The following ARHGAP24 variants were observed in gnomAD, a reference collection of about 807,000 sequenced individuals.
ARHGAP24 encodes the protein Rho GTPase activating protein 24.
Under a neutral mutation model 76.4 loss-of-function variants are expected in ARHGAP24, and 50 were observed. The ratio of observed to expected loss-of-function variants is 0.65; its 90% CI spans 0.52 to 0.83. The LOEUF is 0.83. ARHGAP24 is among the 40% of genes least tolerant of loss of function. The pLI is 0.00. For synonymous variants in ARHGAP24, 345 were observed against 323.3 expected (o/e 1.07, Z -0.72); for missense variants, 930 against 914.2 (o/e 1.02, Z -0.22).
chr4:85,528,565 A>G (rs1474401245), intron 1 of ARHGAP24, among the ~76,000 whole-genome samples: 1 of 152,018 alleles, frequency 6.6e-6, no homozygotes, highest in African/African-American at 2.4e-5. Flanking sequence ...ACCTTTCTGT[A>G]TCTCAGTTTC....
intron 2 of ARHGAP24, among the ~76,000 whole-genome samples, chr4:85,698,419 G>A (rs994874659): frequency 6.6e-6 from 1 of 152,152 alleles, no homozygotes; most frequent in Non-Finnish European, 1.5e-5. Context: ...ACATGATTTT[G>A]TGGGATTCTT....
At chr4:85,727,669 A>G (rs972577111) in intron 3 of ARHGAP24, among the ~76,000 whole-genome samples, 23 of 152,242 alleles carry the variant, frequency 1.5e-4, no homozygotes, top group African/African-American at 5.1e-4. Context: ...AACTCCCTTC[A>G]CATACTGGCC....
In ARHGAP24 at chr4:85,598,749, T is replaced by TTG. The variant is rs200311649; in HGVS notation, c.180+28029_180+28030insGT. ...TTTGAAATCACTGTTTTGTTTTGTT[T>TTG]TTTTTTTTTTACAATATTCCTCAAG... is the stretch of plus-strand genomic sequence containing the variant. On this transcript the variant is annotated intron_variant, in intron 2 of 9. Transcript: ENST00000395184. Among the ~76,000 whole-genome samples the TTG allele has an allele frequency of 6.0e-3, 908 of 150,372 alleles. 12 individuals carry two copies. Among genetic ancestry groups the TTG allele is most frequent in the African/African-American group, 0.021 (864 of 41,116 alleles).
chr4:85,612,537 ATAATC>A (rs1336297128), intron 2 of ARHGAP24, among the ~76,000 whole-genome samples: 1 of 152,124 alleles, frequency 6.6e-6, no homozygotes, highest in Non-Finnish European at 1.5e-5. Context: ...CCATGAATAA[ATAATC>A]TAAAGCTGTA....
chr4:85,634,100 G>T (rs1424104272), intron 2 of ARHGAP24, among the ~76,000 whole-genome samples: 1 of 151,852 alleles, frequency 6.6e-6, no homozygotes, highest in East Asian at 1.9e-4. Context: ...TCAACTGAAG[G>T]ATAAAAAATC....
At chr4:85,901,395 A>C (rs531716569) in intron 3 of ARHGAP24, among the ~76,000 whole-genome samples, 5 of 152,190 alleles carry the variant, frequency 3.3e-5, no homozygotes, top group East Asian at 1.9e-4. Flanking sequence ...ACAACAAAAA[A>C]AAAAAACTGA....
At chr4:85,962,829 CTG>C (rs1399770976) in intron 5 of ARHGAP24, among the ~76,000 whole-genome samples, 2 of 151,556 alleles carry the variant, frequency 1.3e-5, no homozygotes, top group Non-Finnish European at 2.9e-5. Flanking sequence ...TACAGATACT[CTG>C]TGGGACCTCA....
At chr4:85,493,404 A>G (rs1490718791) in intron 1 of ARHGAP24, among the ~76,000 whole-genome samples, 1 of 152,246 alleles carries the variant, frequency 6.6e-6, no homozygotes, top group Non-Finnish European at 1.5e-5. Flanking sequence ...ATTATTAGTT[A>G]AAATTCTTCT....
chr4:85,823,432 T>A (rs936504584), intron 3 of ARHGAP24, among the ~76,000 whole-genome samples: 1 of 152,192 alleles, frequency 6.6e-6, no homozygotes, highest in South Asian at 2.1e-4. Flanking sequence ...ACTAGGGGCA[T>A]TGACACTAAT....
chr4:85,505,824 A>G (rs1468774158), intron 1 of ARHGAP24, among the ~76,000 whole-genome samples: 1 of 151,906 alleles, frequency 6.6e-6, no homozygotes, highest in Non-Finnish European at 1.5e-5. Context: ...AGAATTTTCA[A>G]CTTTTTGCCC....
At chr4:85,655,510 C>T (rs1397462865) in intron 2 of ARHGAP24, among the ~76,000 whole-genome samples, 12 of 126,958 alleles carry the variant, frequency 9.5e-5, no homozygotes, top group Non-Finnish European at 1.6e-4. Flanking sequence ...GGGCCAGGCA[C>T]GGTGGCCATG....
At chr4:85,631,594 GT>G (rs1337575201) in intron 2 of ARHGAP24, among the ~76,000 whole-genome samples, 1 of 151,918 alleles carries the variant, frequency 6.6e-6, no homozygotes, top group Admixed American at 6.6e-5. Context: ...TAATCCCCAC[GT>G]TTTAAATAGA....
At chr4:85,782,943 CTG>C (rs1727633578) in intron 3 of ARHGAP24, among the ~76,000 whole-genome samples, 1 of 152,104 alleles carries the variant, frequency 6.6e-6, no homozygotes, top group African/African-American at 2.4e-5. Flanking sequence ...GATGTTAAAA[CTG>C]CTATGTTTTA....
intron 3 of ARHGAP24, among the ~76,000 whole-genome samples, chr4:85,815,140 GC>G (rs1729182872): frequency 6.6e-6 from 1 of 152,100 alleles, no homozygotes; most frequent in Admixed American, 6.5e-5. Context: ...CCTGGACCCA[GC>G]CCCCGAAACC....
intron 5 of ARHGAP24, among the ~76,000 whole-genome samples, chr4:85,971,166 G>A (rs897504830): frequency 6.6e-6 from 1 of 152,124 alleles, no homozygotes; most frequent in Non-Finnish European, 1.5e-5. Context: ...TTTTCAAAAT[G>A]AGCTCTGTTA....
At chr4:85,799,802 G>A (rs12504839) in intron 3 of ARHGAP24, among the ~76,000 whole-genome samples, 12,140 of 152,198 alleles carry the variant, frequency 0.08, 782 homozygotes, top group East Asian at 0.29. Flanking sequence ...GATATCACGT[G>A]CCTCTTGAGT....
chr4:85,828,062 A>T, intron 3 of ARHGAP24: 1 of 1,024,520 alleles, frequency 9.8e-7, no homozygotes, highest in Admixed American at 2.3e-5. Context: ...GGATATTTAT[A>T]TCACCACAAA....
intron 3 of ARHGAP24, among the ~76,000 whole-genome samples, chr4:85,837,258 T>G (rs970048184): frequency 2.6e-5 from 4 of 152,220 alleles, no homozygotes; most frequent in Non-Finnish European, 5.9e-5. Context: ...CAACCTGCTC[T>G]ATAATTTGAG....
chr4:85,590,549 G>A (rs1044763043), intron 2 of ARHGAP24, among the ~76,000 whole-genome samples: 26 of 151,590 alleles, frequency 1.7e-4, no homozygotes, highest in African/African-American at 6.1e-4. Context: ...TAGTAGAGAC[G>A]GGGTTTCACC....
Sources: allele counts gnomAD v4.1 joint callset (sites outside exome capture counted in the v4.1 genomes callset), GRCh38; gene constraint gnomAD v4.1.1; transcripts MANE v1.5; gene names NCBI Gene and HGNC (gene_info 2026-07-23, HGNC 2026-07-21).